The following POT1 variants were observed in gnomAD, a reference collection of about 807,000 sequenced individuals.
POT1 encodes protection of telomeres 1.
In POT1, 47 loss-of-function variants were observed where a neutral mutation model predicts 78.5. The observed-to-expected ratio is 0.60, with a 90% confidence interval of 0.47 to 0.76. POT1 has a LOEUF of 0.76. Ranked by LOEUF, POT1 falls within the 30% of genes least tolerant of loss-of-function variation. The probability of loss-of-function intolerance (pLI) is 0.00; values close to 1 mark genes in which losing one functional copy is unlikely to be tolerated. For synonymous variants in POT1, 259 were observed against 260.7 expected (o/e 0.99, Z 0.06); for missense variants, 646 against 749.9 (o/e 0.86, Z 1.62).
At chr7:124,924,671 C>T (rs766333295) in intron 2 of POT1, among the ~76,000 whole-genome samples, 8 of 151,874 alleles carry the variant, frequency 5.3e-5, no homozygotes, top group Non-Finnish European at 8.8e-5. Context: ...AAAACAAAAA[C>T]TACAGACTAG....
intron 16 of POT1, chr7:124,828,825 A>G (rs1307087254): frequency 4.1e-6 from 2 of 493,268 alleles, no homozygotes; most frequent in African/African-American, 3.9e-5. Flanking sequence ...AGGAAAGAAA[A>G]CAAAACCAAG....
At chr7:124,907,609 A>G (rs1490591711) in intron 3 of POT1, among the ~76,000 whole-genome samples, 1 of 152,120 alleles carries the variant, frequency 6.6e-6, no homozygotes, top group Non-Finnish European at 1.5e-5. Context: ...ACATTTTTCA[A>G]AACTCATAGA....
Position 124,897,162 on chromosome 7 carries a change from T to C in POT1, c.9+3A>G, listed in dbSNP as rs372320290. The C allele has an allele frequency of 2.1e-6, 3 of 1,451,040 alleles. No individual in the cohort carries two copies. The highest frequency in any genetic ancestry group is 2.9e-6 in the Non-Finnish European group (3 of 1,046,840). The allele number at this position is 1,451,040 out of a possible 1,614,324, so 89.9% of individuals were successfully genotyped here. ...CTCTAAATTAAACTGAATATCATCTTACCAAAGACATTGATTCTGTAGAAA... is the reference window on the plus strand; with the variant it reads ...CTCTAAATTAAACTGAATATCATCTCACCAAAGACATTGATTCTGTAGAAA... On this transcript the variant is annotated splice_donor_region_variant and intron_variant, in intron 5 of 18. Coordinates refer to ENST00000357628, the MANE Select transcript of POT1 (RefSeq NM_015450.3).
chr7:124,896,525 G>A (rs1045509466), intron 5 of POT1, among the ~76,000 whole-genome samples: 1 of 151,640 alleles, frequency 6.6e-6, no homozygotes. Context: ...CCTGAATTCT[G>A]TCCATTTGAA....
chr7:124,856,453 T>C (rs1384652906), intron 9 of POT1, among the ~76,000 whole-genome samples: 2 of 139,834 alleles, frequency 1.4e-5, no homozygotes, highest in African/African-American at 3.1e-5. Context: ...TACATTTTCT[T>C]AATTATGTGT....
chr7:124,890,985 T>C (rs1431673587), intron 6 of POT1, among the ~76,000 whole-genome samples: 2 of 151,960 alleles, frequency 1.3e-5, no homozygotes, highest in Non-Finnish European at 2.9e-5. Flanking sequence ...TACTCTGTTG[T>C]AGCTGGGTAG....
intron 9 of POT1, among the ~76,000 whole-genome samples, chr7:124,855,424 TAA>T (rs1269652916): frequency 6.6e-6 from 1 of 151,820 alleles, no homozygotes; most frequent in Non-Finnish European, 1.5e-5. Context: ...GGCCAAGATA[TAA>T]GTTATTCACA....
intron 5 of POT1, chr7:124,892,652 T>C (rs975176257): frequency 2.0e-4 from 42 of 208,950 alleles, no homozygotes; most frequent in Admixed American, 1.1e-3. Flanking sequence ...AATAAAAACA[T>C]AGCAAACAGC....
intron 7 of POT1, among the ~76,000 whole-genome samples, chr7:124,866,787 C>T (rs1407142740): frequency 6.6e-6 from 1 of 152,210 alleles, no homozygotes; most frequent in Non-Finnish European, 1.5e-5. Context: ...GCCTAAAAAA[C>T]AGTTGCCTCA....
At chr7:124,870,830 A>AT in intron 7 of POT1, 81 bp downstream of exon 7, 1 of 1,173,720 alleles carries the variant, frequency 8.5e-7, no homozygotes, top group Non-Finnish European at 1.1e-6. Context: ...AAGCAACTAT[A>AT]TAATTAGTGC....
intron 3 of POT1, among the ~76,000 whole-genome samples, chr7:124,912,996 C>G (rs1563019850): frequency 6.6e-6 from 1 of 152,170 alleles, no homozygotes; most frequent in South Asian, 2.1e-4. Flanking sequence ...GCCTCATAAT[C>G]AAGGCGGAAG....
At chr7:124,827,124 T>A in intron 17 of POT1, 90 bp downstream of exon 17, 1 of 675,866 alleles carries the variant, frequency 1.5e-6, no homozygotes, top group South Asian at 5.3e-5. Context: ...CTTAAGTCCT[T>A]TTAGGAACAA....
chr7:124,881,662 T>A (rs767259890), intron 6 of POT1, among the ~76,000 whole-genome samples: 3 of 151,934 alleles, frequency 2.0e-5, no homozygotes, highest in Non-Finnish European at 4.4e-5. Flanking sequence ...TTTTACCAAA[T>A]ACACACGCAA....
At chr7:124,893,769 A>G (rs1796428784) in intron 5 of POT1, among the ~76,000 whole-genome samples, 1 of 151,544 alleles carries the variant, frequency 6.6e-6, no homozygotes, top group African/African-American at 2.4e-5. Flanking sequence ...CCAACTAATG[A>G]CTTACTAATC....
Position 124,898,561 on chromosome 7 carries a change from C to T in POT1, c.-153-187G>A, listed in dbSNP as rs33964002. 0.32 allele frequency among the ~76,000 whole-genome samples: 48,449 copies of T among 151,810 alleles called. 7,750 individuals are homozygous for T. The highest frequency in any genetic ancestry group is 0.39 in the South Asian group (1,903 of 4,818). On this transcript the variant is annotated intron_variant, in intron 3 of 18. Coordinates refer to ENST00000357628, the MANE Select transcript of POT1 (RefSeq NM_015450.3). ...ATTTAGACTACCACTTCCTCTAAAA[C>T]ATCTTCAACATCTACAGCTACAATA...
At chr7:124,840,760 G>A in intron 14 of POT1, 1 of 384,548 alleles carries the variant, frequency 2.6e-6, no homozygotes, top group Non-Finnish European at 4.7e-6. Context: ...ACTTGAGTCT[G>A]AAGTACAATT....
At chr7:124,846,909 T>G (rs145011405) in intron 12 of POT1, 33 bp downstream of exon 12, 2 of 1,449,358 alleles carry the variant, frequency 1.4e-6, no homozygotes. Flanking sequence ...TGCTCATTAC[T>G]GTGCCCATCT....
At chr7:124,904,730 T>C (rs1271676325) in intron 3 of POT1, among the ~76,000 whole-genome samples, 1 of 152,202 alleles carries the variant, frequency 6.6e-6, no homozygotes, top group Non-Finnish European at 1.5e-5. Context: ...ATGACATGAT[T>C]ATATGTTTAG....
chr7:124,851,874 G>A lies in POT1; in HGVS notation c.947C>T (p.Pro316Leu). Residue 316 changes from proline to leucine, a missense_variant and splice_region_variant, in exon 11 of 19, where the codon CCA becomes CTA. This residue lies in a region of POT1 where 394 missense variants were observed against 408.4 expected (regional missense o/e 0.96). Coordinates refer to ENST00000357628, the MANE Select transcript of POT1 (RefSeq NM_015450.3). ...TCAATGTTAAAGATTATCCTTACTT[G>A]GAAAGCTGTCGTCAGGTTCTGATTG... Reference protein sequence around the residue: ...ICQSEPDDSFPSSGSVSLYEV... With the variant: ...ICQSEPDDSFLSSGSVSLYEV... The A allele has an allele frequency of 6.3e-7, 1 of 1,598,784 alleles. No individual in the cohort carries two copies. The highest frequency in any genetic ancestry group is 8.6e-7 in the Non-Finnish European group (1 of 1,166,576).
Sources: gnomAD v4.1 joint callset for allele counts (sites outside exome capture counted in the v4.1 genomes callset) on GRCh38, gnomAD v4.1.1 for gene constraint, gnomAD v4.1.1 regional missense constraint, MANE v1.5 for transcripts, NCBI Gene and HGNC (gene_info 2026-07-23, HGNC 2026-07-21) for gene names.